Variants in AATF observed in about 807,000 individuals in gnomAD.
AATF encodes the protein protein AATF.
In AATF, 48 loss-of-function variants were observed where a neutral mutation model predicts 63.7. That is an observed-to-expected ratio of 0.75 (90% CI 0.60 to 0.96). The LOEUF (loss-of-function observed/expected upper bound fraction) is 0.96. AATF is among the 40% of genes least tolerant of loss of function. AATF has a pLI of 0.00. For synonymous variants in AATF, 258 were observed against 247.7 expected, an observed-to-expected ratio of 1.04 and a Z score of -0.39; for missense variants, 639 against 685.7, an observed-to-expected ratio of 0.93 and a Z score of 0.76.
At chr17:36,995,542 G>A (rs1403514094) in intron 8 of AATF, among the ~76,000 whole-genome samples, 2 of 152,014 alleles carry the variant, frequency 1.3e-5, no homozygotes, top group Non-Finnish European at 2.9e-5. Flanking sequence ...TTATATATTT[G>A]TTGTTTTTAT....
Position 37,040,941 on chromosome 17 carries a change from G to A in AATF, c.1619+9256G>A, listed in dbSNP as rs112648681. 1.9e-3 allele frequency among the ~76,000 whole-genome samples: 292 copies of A among 152,232 alleles called. 3 individuals carry two copies. Among genetic ancestry groups the A allele is most frequent in the African/African-American group, 6.6e-3 (276 of 41,526 alleles). ...TGGTATATTTAGTCAGTTTATGCAT[G>A]TAATTCTATTCTCTGCCATAGTCAG... is the stretch of plus-strand genomic sequence containing the variant. On this transcript the variant is annotated intron_variant, in intron 11 of 11. Transcript: ENST00000619387.
rs1419736328 is a variant in AATF, at chr17:36,950,255, G to C, written c.133G>C (p.Asp45His). ...GATTGACAGGTTTGATGAAGGGGAA[G>C]ATGGGGAAGGTGATTTCCTAGTAGT... is the stretch of plus-strand genomic sequence containing the variant. ...RVIDRFDEGE[D>H]GEGDFLVVGS... The change falls in exon 2 of 12, where the codon GAT becomes CAT. Residue 45 changes from aspartate to histidine, a missense_variant. Coordinates refer to ENST00000619387, the MANE Select transcript of AATF (RefSeq NM_012138.4). The C allele has an allele frequency of 1.2e-6, 2 of 1,614,196 alleles. No individual in the cohort carries two copies. The highest frequency in any genetic ancestry group is 1.7e-6 in the Non-Finnish European group (2 of 1,180,022).
chr17:36,995,939 T>C (rs1204380732), intron 8 of AATF, among the ~76,000 whole-genome samples: 1 of 152,196 alleles, frequency 6.6e-6, no homozygotes, highest in Non-Finnish European at 1.5e-5. Context: ...AACATGTTTT[T>C]AAGTCTGATT....
At chr17:36,960,175 A>G (rs1338111655) in intron 4 of AATF, among the ~76,000 whole-genome samples, 7 of 152,080 alleles carry the variant, frequency 4.6e-5, no homozygotes, top group Admixed American at 6.6e-5. Context: ...CACCACGCCC[A>G]GCTAATTTTT....
At chr17:37,014,180 A>G (rs1158166895) in intron 8 of AATF, among the ~76,000 whole-genome samples, 1 of 152,050 alleles carries the variant, frequency 6.6e-6, no homozygotes, top group Non-Finnish European at 1.5e-5. Flanking sequence ...ATACTTGGTT[A>G]ATAATTTGGC....
intron 4 of AATF, among the ~76,000 whole-genome samples, chr17:36,983,086 A>C (rs1465748266): frequency 6.6e-6 from 1 of 152,006 alleles, no homozygotes; most frequent in Non-Finnish European, 1.5e-5. Flanking sequence ...CTATCACCCA[A>C]GCTGGAGTAC....
At position 37,056,644 on chromosome 17, in the gene AATF, G is replaced by A. The variant is rs114527666; in HGVS notation, c.1663G>A (p.Asp555Asn). The change falls in exon 12 of 12, where the codon GAC becomes AAC. Residue 555 changes from aspartate to asparagine, a missense_variant. Asp to Asn is a conservative substitution (Grantham distance 23). Coordinates refer to ENST00000619387, the MANE Select transcript of AATF (RefSeq NM_012138.4). ...RSLFGQLHPP[D>N]EGHGD ...TCTTTTTGGCCAGCTCCACCCTCCC[G>A]ACGAAGGCCACGGGGATTGACATCG... 237 of 1,614,184 alleles carry A rather than the reference G, an allele frequency of 1.5e-4. No homozygotes were observed. In the African/African-American group the frequency reaches 2.6e-3, roughly 18 times the overall value.
In AATF at chr17:37,044,324, C is replaced by T. The variant is rs117767056; in HGVS notation, c.1620-12277C>T. ...CTAAACCATTGCACCGCTTGAGGGC[C>T]GGCTCCTTATTTTGTTCTTAGCTCA... is the stretch of plus-strand genomic sequence containing the variant. On this transcript the variant is annotated intron_variant, in intron 11 of 11. Coordinates refer to ENST00000619387, the MANE Select transcript of AATF (RefSeq NM_012138.4). Among the ~76,000 whole-genome samples the T allele has an allele frequency of 4.2e-3, 637 of 152,158 alleles. 2 individuals carry two copies. Among genetic ancestry groups the T allele is most frequent in the Non-Finnish European group, 7.5e-3 (509 of 68,002 alleles).
chr17:36,975,684 G>GAAC (rs976066358), intron 4 of AATF, among the ~76,000 whole-genome samples: 1 of 152,158 alleles, frequency 6.6e-6, no homozygotes, highest in Non-Finnish European at 1.5e-5. Flanking sequence ...GTTTCTAGAA[G>GAAC]AACAGTAGGT....
chr17:37,031,458 A>T, intron 10 of AATF, 156 bp from the exon 11 acceptor site: 2 of 658,314 alleles, frequency 3.0e-6, no homozygotes, highest in South Asian at 3.4e-5. Context: ...GGTCATCCCA[A>T]TGACAGTGGT....
intron 11 of AATF, among the ~76,000 whole-genome samples, chr17:37,032,916 A>C (rs191178593): frequency 6.8e-4 from 103 of 152,316 alleles, no homozygotes; most frequent in African/African-American, 2.4e-3. Flanking sequence ...GCATTTTTAA[A>C]CATATTTACC....
intron 4 of AATF, among the ~76,000 whole-genome samples, chr17:36,966,694 G>A (rs377029255): frequency 4.0e-4 from 61 of 152,298 alleles, no homozygotes; most frequent in African/African-American, 1.3e-3. Context: ...TTGTGGTAAA[G>A]TCATTTTAAT....
At chr17:36,984,661 C>T (rs116561754) in intron 4 of AATF, among the ~76,000 whole-genome samples, 2,444 of 152,194 alleles carry the variant, frequency 0.016, 70 homozygotes, top group African/African-American at 0.055. Flanking sequence ...TTGGAGACAG[C>T]GTCTCGCTCT....
chr17:36,965,548 T>C (rs1486426711), intron 4 of AATF, among the ~76,000 whole-genome samples: 3 of 152,204 alleles, frequency 2.0e-5, no homozygotes, highest in East Asian at 3.8e-4. Flanking sequence ...GATGTAGATA[T>C]CTTTGGGGGA....
In AATF at chr17:37,056,682, A is replaced by C. The variant is rs1410941242; in HGVS notation, c.*18A>C. 8.7e-6 allele frequency: 14 copies of C among 1,613,764 alleles called. No homozygotes were observed. The highest frequency in any genetic ancestry group is 1.1e-5 in the Non-Finnish European group (13 of 1,179,844). ...GGGATTGACATCGCCCACCTCCGAC[A>C]CCCAGTGGGCGCCTTGGCTGGTGCG... On this transcript the variant is annotated 3_prime_UTR_variant, in exon 12 of 12. Transcript: ENST00000619387.
At chr17:37,017,430 A>G (rs1026685209) in intron 8 of AATF, among the ~76,000 whole-genome samples, 2 of 152,128 alleles carry the variant, frequency 1.3e-5, no homozygotes, top group Non-Finnish European at 2.9e-5. Flanking sequence ...CCTTAAGGGC[A>G]GCTGTTTACA....
rs1036149062 is a variant in AATF at position 36,953,024 on chromosome 17, G to C, written c.422G>C (p.Ser141Thr). The change falls in exon 3 of 12, where the codon AGC (serine) becomes ACC (threonine). Residue 141 changes from serine (S) to threonine (T), a missense_variant. Physicochemically the swap from Ser to Thr is moderately conservative, Grantham distance 58. Coordinates refer to ENST00000619387, the MANE Select transcript of AATF (RefSeq NM_012138.4). ...GDHRESKKSR[S>T]HSAKTPGFSV... ...CACAGGGAGAGCAAGAAGAGCAGAA[G>C]CCACTCTGCAAAAACACCGGGCTTC... is the stretch of plus-strand genomic sequence containing the variant. The C allele has an allele frequency of 1.9e-6, 3 of 1,614,032 alleles. No individual in the cohort carries two copies. The highest frequency in any genetic ancestry group is 2.5e-6 in the Non-Finnish European group (3 of 1,180,032).
At chr17:37,001,762 G>A (rs59321744) in intron 8 of AATF, among the ~76,000 whole-genome samples, 5,909 of 152,248 alleles carry the variant, frequency 0.039, 376 homozygotes, top group African/African-American at 0.13. Flanking sequence ...CCTGAGATTA[G>A]GAACAAGACA....
chr17:37,004,937 G>A (rs2071330913), intron 8 of AATF, among the ~76,000 whole-genome samples: 3 of 152,190 alleles, frequency 2.0e-5, no homozygotes, highest in African/African-American at 7.2e-5. Flanking sequence ...TGCCACCGAA[G>A]TACAGGGAAA....
Sources: allele counts gnomAD v4.1 joint callset (sites outside exome capture counted in the v4.1 genomes callset), GRCh38; gene constraint gnomAD v4.1.1; transcripts MANE v1.5; gene names NCBI Gene and HGNC (gene_info 2026-07-23, HGNC 2026-07-21).